Variants in TAFA1 observed in about 807,000 individuals in gnomAD.
The protein encoded by TAFA1 is TAFA chemokine like family member 1, also known as chemokine-like protein TAFA-1.
Under a neutral mutation model 18.5 loss-of-function variants are expected in TAFA1, and 4 were observed. The observed-to-expected ratio is 0.22, with a 90% CI of 0.11 to 0.49. The LOEUF is 0.49. Ranked by LOEUF, TAFA1 falls within the 20% of genes least tolerant of loss-of-function variation. The pLI is 0.98. For missense variants in TAFA1, 147 were observed against 169.0 expected (o/e 0.87, Z 0.72); for synonymous variants, 56 against 55.2 (o/e 1.01, Z -0.06).
intron 2 of TAFA1, among the ~76,000 whole-genome samples, chr3:68,291,220 C>A (rs1478334110): frequency 6.6e-6 from 1 of 152,056 alleles, no homozygotes; most frequent in South Asian, 2.1e-4. Context: ...TCCTTTATTA[C>A]GTTAATAGAA....
chr3:68,127,720 G>A (rs1217854319), intron 2 of TAFA1, among the ~76,000 whole-genome samples: 3 of 93,218 alleles, frequency 3.2e-5, no homozygotes, highest in South Asian at 7.4e-4. Flanking sequence ...GCTGATGGCA[G>A]TGGTGGTGGT....
intron 4 of TAFA1, among the ~76,000 whole-genome samples, chr3:68,540,756 C>T (rs1365968504): frequency 6.6e-6 from 1 of 152,124 alleles, no homozygotes; most frequent in African/African-American, 2.4e-5. Context: ...AACTAGGAGA[C>T]TCTTTGGAAG....
chr3:68,443,595 C>T (rs1373012714), intron 3 of TAFA1, among the ~76,000 whole-genome samples: 1 of 151,542 alleles, frequency 6.6e-6, no homozygotes, highest in Non-Finnish European at 1.5e-5. Context: ...TTATGGCAGA[C>T]AAGGAGAGAG....
chr3:68,091,388 G>A (rs1299095783), intron 2 of TAFA1, among the ~76,000 whole-genome samples: 1 of 152,100 alleles, frequency 6.6e-6, no homozygotes, highest in Non-Finnish European at 1.5e-5. Flanking sequence ...ATAGCTGGCT[G>A]ACTTTCTATC....
intron 2 of TAFA1, among the ~76,000 whole-genome samples, chr3:68,391,269 A>G (rs2070237049): frequency 6.6e-6 from 1 of 152,178 alleles, no homozygotes; most frequent in Admixed American, 6.6e-5. Flanking sequence ...TTAGAGACTG[A>G]AGATCAACTT....
the TAFA1 span, among the ~76,000 whole-genome samples, chr3:67,993,131 C>G: frequency 1.3e-5 from 2 of 152,202 alleles, no homozygotes; most frequent in African/African-American, 2.4e-5. Context: ...AGGAAAGAAC[C>G]TAGTCCACAG....
At chr3:68,439,433 A>ATATATATATATATG (rs2071331591) in intron 3 of TAFA1, among the ~76,000 whole-genome samples, 1 of 135,382 alleles carries the variant, frequency 7.4e-6, no homozygotes, top group Non-Finnish European at 1.6e-5. Flanking sequence ...ATATATATAT[A>ATATATATATATATG]TATATATATA....
At chr3:68,198,760 G>A (rs933122572) in intron 2 of TAFA1, among the ~76,000 whole-genome samples, 1 of 151,288 alleles carries the variant, frequency 6.6e-6, no homozygotes, top group Admixed American at 6.6e-5. Context: ...TTTACATTTT[G>A]AGTAACAGTC....
At chr3:68,055,563 A>G (rs1440879365) in intron 2 of TAFA1, among the ~76,000 whole-genome samples, 1 of 152,066 alleles carries the variant, frequency 6.6e-6, no homozygotes, top group Non-Finnish European at 1.5e-5. Flanking sequence ...GCCATATTAG[A>G]ACGTGGGGAC....
chr3:68,306,370 T>C (rs1402724160), intron 2 of TAFA1, among the ~76,000 whole-genome samples: 1 of 152,160 alleles, frequency 6.6e-6, no homozygotes, highest in East Asian at 1.9e-4. Flanking sequence ...AAAATTTAAT[T>C]AAGTGACAGT....
chr3:68,011,713 C>T lies in TAFA1; in HGVS notation c.118+4969C>T, dbSNP rs149209333. Among the ~76,000 whole-genome samples the T allele has an allele frequency of 1.7e-3, 256 of 152,180 alleles. 1 individual carries two copies. The highest frequency in any genetic ancestry group is 4.6e-3 in the African/African-American group (193 of 41,512). ...ACCAGTGCTAGGCTGCTAAATATAG[C>T]GAATTGGCCTAAGGATTGGAGCAGA... On this transcript the variant is annotated intron_variant, in intron 2 of 4. Coordinates refer to ENST00000478136, the MANE Select transcript of TAFA1 (RefSeq NM_213609.4).
At chr3:68,217,285 A>T (rs552838524) in intron 2 of TAFA1, among the ~76,000 whole-genome samples, 1 of 152,060 alleles carries the variant, frequency 6.6e-6, no homozygotes, top group Non-Finnish European at 1.5e-5. Context: ...ATCATAGTTT[A>T]TCTCTGTGGT....
intron 2 of TAFA1, chr3:68,145,689 G>A (rs1055472387): frequency 1.2e-5 from 10 of 851,500 alleles, no homozygotes; most frequent in Non-Finnish European, 2.0e-5. Context: ...GACAAATATA[G>A]AAATGTAAAG....
At chr3:68,205,022 G>A (rs890501878) in intron 2 of TAFA1, among the ~76,000 whole-genome samples, 3 of 151,784 alleles carry the variant, frequency 2.0e-5, no homozygotes, top group African/African-American at 7.2e-5. Flanking sequence ...TACATACAGT[G>A]TAAAACTGAC....
chr3:68,500,869 AAG>A (rs2072645207), intron 3 of TAFA1, among the ~76,000 whole-genome samples: 1 of 152,042 alleles, frequency 6.6e-6, no homozygotes, highest in African/African-American at 2.4e-5. Context: ...CAGCTATCAA[AAG>A]AGGGGGAAAA....
chr3:68,122,793 T>A (rs1184254213), intron 2 of TAFA1, among the ~76,000 whole-genome samples: 1 of 152,070 alleles, frequency 6.6e-6, no homozygotes, highest in Non-Finnish European at 1.5e-5. Context: ...TTTCTGTATA[T>A]GTGTGTATAT....
At chr3:68,182,591 C>G (rs2106989521) in intron 2 of TAFA1, among the ~76,000 whole-genome samples, 1 of 152,272 alleles carries the variant, frequency 6.6e-6, no homozygotes, top group East Asian at 1.9e-4. Context: ...CTGAATTTAT[C>G]ACATTAACAT....
chr3:68,430,792 C>A (rs1433111161), intron 3 of TAFA1, among the ~76,000 whole-genome samples: 1 of 151,948 alleles, frequency 6.6e-6, no homozygotes, highest in Admixed American at 6.6e-5. Flanking sequence ...CACACTGCTA[C>A]AAAGAGTCTT....
intron 2 of TAFA1, among the ~76,000 whole-genome samples, chr3:68,014,632 G>A (rs182243220): frequency 6.0e-4 from 91 of 152,258 alleles, no homozygotes; most frequent in African/African-American, 2.1e-3. Flanking sequence ...TGCCAAATAA[G>A]TTTTAAACTA....
Sources: gnomAD v4.1 joint callset for allele counts (sites outside exome capture counted in the v4.1 genomes callset) on GRCh38, gnomAD v4.1.1 for gene constraint, MANE v1.5 for transcripts, NCBI Gene and HGNC (gene_info 2026-07-23, HGNC 2026-07-21) for gene names.